NAXD: variants seen among roughly 807,000 people sequenced by gnomAD.
NAXD encodes the protein ATP-dependent (S)-NAD(P)H-hydrate dehydratase.
Under a neutral mutation model 35.8 loss-of-function variants are expected in NAXD, and 22 were observed. That is an observed-to-expected ratio of 0.62 (90% confidence interval 0.44 to 0.88). The LOEUF (loss-of-function observed/expected upper bound fraction) is 0.88, where lower values mean the gene tolerates loss of function less well. NAXD is among the 40% of genes least tolerant of loss of function. The pLI is 0.00. For missense variants in NAXD, 428 were observed against 437.7 expected (o/e 0.98, Z 0.20); for synonymous variants, 189 against 177.6 (o/e 1.06, Z -0.51).
intron 8 of NAXD, among the ~76,000 whole-genome samples, chr13:110,636,851 C>G (rs967904130): frequency 3.3e-5 from 5 of 152,222 alleles, no homozygotes; most frequent in Non-Finnish European, 5.9e-5. Context: ...GAGGCGGTTC[C>G]GAGCTGCAGG....
intron 5 of NAXD, 55 bp from the exon 6 acceptor site, chr13:110,634,490 A>G (rs974193270): frequency 8.3e-6 from 13 of 1,573,518 alleles, no homozygotes; most frequent in Admixed American, 1.7e-5. Flanking sequence ...GAGAAGACAC[A>G]TACCCACACC....
At chr13:110,626,487 C>T (rs1886488100) in intron 4 of NAXD, among the ~76,000 whole-genome samples, 1 of 127,688 alleles carries the variant, frequency 7.8e-6, no homozygotes, top group Admixed American at 9.3e-5. Context: ...AGTGGGGACA[C>T]GGGCTTGGGA....
intron 5 of NAXD, among the ~76,000 whole-genome samples, chr13:110,633,718 C>T (rs977096410): frequency 6.6e-6 from 1 of 152,010 alleles, no homozygotes; most frequent in Non-Finnish European, 1.5e-5. Flanking sequence ...TAATAAAAAC[C>T]ACCAAATATT....
chr13:110,637,851 C>T (rs1360135544), intron 9 of NAXD: 13 of 472,686 alleles, frequency 2.8e-5, no homozygotes, highest in South Asian at 1.5e-4. Context: ...TCCTCATTGC[C>T]GGGATGGCAG....
intron 5 of NAXD, among the ~76,000 whole-genome samples, chr13:110,632,265 C>T (rs112029286): frequency 1.3e-5 from 2 of 152,154 alleles, no homozygotes; most frequent in South Asian, 2.1e-4. Flanking sequence ...GGCTCGTGGT[C>T]TCGCTGGCTT....
chr13:110,615,810 G>C (rs544014512), intron 1 of NAXD, 163 bp downstream of exon 1: 119 of 1,297,362 alleles, frequency 9.2e-5, no homozygotes, highest in Admixed American at 2.1e-4. Context: ...TGGCTCGCGG[G>C]GGGGAAGCGC....
Position 110,625,291 on chromosome 13 carries a change from G to A in NAXD, c.332+13G>A. 1.3e-6 allele frequency: 2 copies of A among 1,593,552 alleles called. No individual in the cohort carries two copies. The highest frequency in any genetic ancestry group is 1.7e-6 in the Non-Finnish European group (2 of 1,161,540). On this transcript the variant is annotated intron_variant, in intron 4 of 9. Coordinates refer to ENST00000680254, the MANE Select transcript of NAXD (RefSeq NM_001242882.2). ...TCCACCCAGTTCTGTGAGTCGCTCT[G>A]CGCCGGCTTCTCGTAGGTTCTCTTT...
intron 9 of NAXD, among the ~76,000 whole-genome samples, chr13:110,637,528 C>A (rs774489248): frequency 3.3e-5 from 5 of 152,190 alleles, no homozygotes; most frequent in Non-Finnish European, 5.9e-5. Context: ...CAGCAGCACG[C>A]TGTTCTGGGA....
At chr13:110,618,533 T>C (rs79075352) in intron 1 of NAXD, among the ~76,000 whole-genome samples, 4,688 of 152,338 alleles carry the variant, frequency 0.031, 201 homozygotes, top group South Asian at 0.093. Context: ...GATTGCCGTG[T>C]GAATGCAGTG....
rs778383395 is a variant in NAXD at position 110,638,337 on chromosome 13, C to T, written c.840-41C>T. 18 of 1,613,558 alleles carry T rather than the reference C, an allele frequency of 1.1e-5. No homozygotes were observed. Among genetic ancestry groups the T allele is most frequent in the East Asian group, 8.9e-5 (4 of 44,878 alleles). On this transcript the variant is annotated intron_variant, in intron 9 of 9. Coordinates refer to ENST00000680254, the MANE Select transcript of NAXD (RefSeq NM_001242882.2). The surrounding 1 kb of genome is among the most constrained non-coding windows in gnomAD (Gnocchi z 5.4). Reference sequence around the variant, plus strand: ...GGTAGCTGCGGCCCCCGGACCACGACGCCCACTTCCCCACACCTCCTGCTG... The same window carrying T: ...GGTAGCTGCGGCCCCCGGACCACGATGCCCACTTCCCCACACCTCCTGCTG...
At position 110,615,611 on chromosome 13, in the gene NAXD, G is replaced by T. The variant is rs374868794; in HGVS notation, c.10G>T (p.Gly4Cys). 3.6e-5 allele frequency: 53 copies of T among 1,453,034 alleles called. 1 individual carries two copies. In the East Asian group the frequency reaches 8.4e-4, roughly 23 times the overall value. 90.0% of individuals were successfully genotyped at this position (1,453,034 alleles called of 1,614,324 possible). A position where few individuals can be genotyped will look rare whatever the true frequency, so the allele number is the denominator to read the frequency against. ...TCCGGAATGCTGCCCGATGGCCCTG[G>T]GTCCTCGCTGTGGGGCAATCCGGGC... MAL[G>C]PRCGAIRACR... Residue 4 changes from glycine (G) to cysteine (C), a missense_variant, in exon 1 of 10, where the codon GGT becomes TGT. By Grantham distance (159) the Gly-to-Cys change is radical. Around this residue, in one of 3 missense-constraint regions of NAXD, gnomAD observed 208 missense variants for 193.0 expected, o/e 1.08. Transcript: ENST00000680254.
chr13:110,626,530 A>G (rs761431656), intron 4 of NAXD, among the ~76,000 whole-genome samples: 8 of 144,980 alleles, frequency 5.5e-5, no homozygotes, highest in Non-Finnish European at 1.2e-4. Context: ...TTAAAGCTGG[A>G]AGACGAGGGA....
intron 9 of NAXD, chr13:110,637,796 G>C (rs1254420053): frequency 1.3e-5 from 6 of 463,720 alleles, no homozygotes; most frequent in Admixed American, 2.3e-5. Context: ...GGCAGACCCG[G>C]GCTTCTGGAG....
intron 1 of NAXD, among the ~76,000 whole-genome samples, chr13:110,618,183 T>A (rs988933824): frequency 2.6e-5 from 4 of 152,226 alleles, no homozygotes; most frequent in Admixed American, 2.6e-4. Context: ...TTAATTATAT[T>A]ATGAGTTTAA....
At chr13:110,637,371 G>A in intron 9 of NAXD, 122 bp downstream of exon 9, 1 of 1,199,642 alleles carries the variant, frequency 8.3e-7, no homozygotes, top group Non-Finnish European at 1.2e-6. Flanking sequence ...GGCTTCACTG[G>A]AGAGATCTCG....
rs769055131 is a variant in NAXD at position 110,638,623 on chromosome 13, G to T, written c.*95G>T. The T allele has an allele frequency of 1.5e-6, 2 of 1,374,288 alleles. No homozygotes were observed. Among genetic ancestry groups the T allele is most frequent in the Admixed American group, 1.7e-5 (1 of 58,258 alleles). The allele number at this position is 1,374,288 out of a possible 1,614,324, so 85.1% of individuals were successfully genotyped here. A position where few individuals can be genotyped will look rare whatever the true frequency, so the allele number is the denominator to read the frequency against. Reference sequence around the variant, plus strand: ...ACCCACGCGTGTGCTGAAGGCGTACGGTGCTTGCCAGATTTTCAACTTGAG... The same window carrying T: ...ACCCACGCGTGTGCTGAAGGCGTACTGTGCTTGCCAGATTTTCAACTTGAG... On this transcript the variant is annotated 3_prime_UTR_variant, in exon 10 of 10. Coordinates refer to ENST00000680254, the MANE Select transcript of NAXD (RefSeq NM_001242882.2). This position sits in a 1 kb window ranked among gnomAD's most constrained non-coding sequence, Gnocchi z 5.4.
chr13:110,619,944 A>T (rs371492272), intron 1 of NAXD, among the ~76,000 whole-genome samples: 45 of 152,062 alleles, frequency 3.0e-4, no homozygotes, highest in African/African-American at 1.1e-3. Context: ...AATTACAGGC[A>T]TGCACCACCG....
At chr13:110,619,236 C>T (rs1000290229) in intron 1 of NAXD, among the ~76,000 whole-genome samples, 4 of 152,100 alleles carry the variant, frequency 2.6e-5, no homozygotes, top group African/African-American at 9.7e-5. Flanking sequence ...TATTTCATAC[C>T]TCACCTATAG....
intron 4 of NAXD, among the ~76,000 whole-genome samples, chr13:110,627,042 C>G (rs764277337): frequency 6.6e-6 from 1 of 152,176 alleles, no homozygotes; most frequent in Non-Finnish European, 1.5e-5. Context: ...CTGTTGAAAG[C>G]TAGGCATGTA....
Sources: gnomAD v4.1 joint callset for allele counts (sites outside exome capture counted in the v4.1 genomes callset) on GRCh38, gnomAD v4.1.1 for gene constraint, gnomAD v4.1.1 regional missense constraint, Gnocchi (gnomAD v3.1) non-coding constraint, MANE v1.5 for transcripts, NCBI Gene and HGNC (gene_info 2026-07-23, HGNC 2026-07-21) for gene names.